The following EFNA5 variants were observed in gnomAD, a reference collection of about 807,000 sequenced individuals.
The protein encoded by EFNA5 is ephrin A5.
EFNA5 carries 5 observed loss-of-function variants against 22.9 expected under a neutral mutation model. That is an observed-to-expected ratio of 0.22 (90% confidence interval 0.11 to 0.46). The LOEUF (loss-of-function observed/expected upper bound fraction) is 0.46. Ranked by LOEUF, EFNA5 falls within the 20% of genes least tolerant of loss-of-function variation. The pLI, the probability that EFNA5 is intolerant of heterozygous loss-of-function variation, is 0.99. For synonymous variants in EFNA5, 113 were observed against 112.2 expected (o/e 1.01, Z -0.04); for missense variants, 237 against 293.3 (o/e 0.81, Z 1.40).
At chr5:107,436,452 C>A (rs1046497908) in intron 1 of EFNA5, among the ~76,000 whole-genome samples, 4 of 152,188 alleles carry the variant, frequency 2.6e-5, no homozygotes, top group Non-Finnish European at 5.9e-5. Context: ...AAAGACCTAA[C>A]ACATCACAGA....
chr5:107,506,675 TAG>T (rs2112430335), intron 1 of EFNA5, among the ~76,000 whole-genome samples: 1 of 152,242 alleles, frequency 6.6e-6, no homozygotes, highest in South Asian at 2.1e-4. Context: ...CTTAGGGCAC[TAG>T]AGAGTCTTGA....
chr5:107,543,709 TA>T (rs10708780), intron 1 of EFNA5, among the ~76,000 whole-genome samples: 103,439 of 151,350 alleles, frequency 0.68, 35,459 homozygotes, highest in Middle Eastern at 0.78. Flanking sequence ...AAGTATAATT[TA>T]AAAAAAAAAC....
chr5:107,623,751 C>T (rs1207576910), intron 1 of EFNA5, among the ~76,000 whole-genome samples: 1 of 148,238 alleles, frequency 6.7e-6, no homozygotes, highest in Non-Finnish European at 1.5e-5. Flanking sequence ...CTATAAATCA[C>T]AAAGGCAGAA....
intron 1 of EFNA5, among the ~76,000 whole-genome samples, chr5:107,568,191 C>T (rs912203873): frequency 6.6e-6 from 1 of 152,182 alleles, no homozygotes; most frequent in South Asian, 2.1e-4. Flanking sequence ...GCCACTGTGC[C>T]TGGCCTATAT....
intron 1 of EFNA5, among the ~76,000 whole-genome samples, chr5:107,453,739 C>A (rs898873155): frequency 1.3e-5 from 2 of 152,128 alleles, no homozygotes; most frequent in African/African-American, 4.8e-5. Flanking sequence ...AAGACCTTAG[C>A]AGCAGCAGGT....
At chr5:107,576,779 T>C (rs1486068719) in intron 1 of EFNA5, among the ~76,000 whole-genome samples, 1 of 151,768 alleles carries the variant, frequency 6.6e-6, no homozygotes, top group Non-Finnish European at 1.5e-5. Flanking sequence ...ATACTGTTAT[T>C]TAACTGCAAA....
In EFNA5 at chr5:107,591,908, TATAAAAAA is replaced by T. The variant is rs1749344814; in HGVS notation, c.125+78573_125+78580del. 4.5e-3 allele frequency among the ~76,000 whole-genome samples: 84 copies of T among 18,872 alleles called. 6 individuals are homozygous for T. In the South Asian group the frequency reaches 0.08, roughly 18 times the overall value. The allele number at this position is 18,872 out of a possible 152,430, so 12.4% of individuals were successfully genotyped here. On this transcript the variant is annotated intron_variant, in intron 1 of 4. Transcript: ENST00000333274. ...TATATATATTATATATAATATATAA[TATAAAAAA>T]TATATATATAATATATAATATATAT...
rs1006717778 is a variant in EFNA5, at chr5:107,667,720, A to C, written c.125+2769T>G. Among the ~76,000 whole-genome samples the C allele has an allele frequency of 3.2e-4, 48 of 152,312 alleles. 1 individual carries two copies. The highest frequency in any genetic ancestry group is 6.2e-4 in the South Asian group (3 of 4,828). On this transcript the variant is annotated intron_variant, in intron 1 of 4. Coordinates refer to ENST00000333274, the MANE Select transcript of EFNA5 (RefSeq NM_001962.3). The stretch of plus-strand genomic sequence containing the variant: ...ATTTAAGTTGCAATTAAAGTCCTCT[A>C]TTCTTTTTTCAAAAGATTGAAGTCT...
intron 1 of EFNA5, among the ~76,000 whole-genome samples, chr5:107,568,290 G>A (rs1748703810): frequency 6.6e-6 from 1 of 152,116 alleles, no homozygotes; most frequent in African/African-American, 2.4e-5. Context: ...TTTTCTACAG[G>A]GGAGGGGAAG....
chr5:107,640,783 A>G (rs1290114342), intron 1 of EFNA5, among the ~76,000 whole-genome samples: 3 of 152,226 alleles, frequency 2.0e-5, no homozygotes, highest in African/African-American at 7.2e-5. Context: ...TAACCGCTAT[A>G]CAGATACTTT....
chr5:107,381,120 TGAAA>T lies in EFNA5; in HGVS notation c.*131_*134del. 2.3e-6 allele frequency: 3 copies of T among 1,313,542 alleles called. No homozygotes were observed. The highest frequency in any genetic ancestry group is 3.1e-6 in the Non-Finnish European group (3 of 977,074). 81.4% of individuals were successfully genotyped at this position (1,313,542 alleles called of 1,614,324 possible). ...TGAAGTTGTTGCTTAGAATTCAGGC[TGAAA>T]GAAAGAAAACAAAAATCTGACATCT... On this transcript the variant is annotated 3_prime_UTR_variant, in exon 5 of 5. Coordinates refer to ENST00000333274, the MANE Select transcript of EFNA5 (RefSeq NM_001962.3).
At chr5:107,643,305 C>T (rs1750565084) in intron 1 of EFNA5, among the ~76,000 whole-genome samples, 1 of 152,118 alleles carries the variant, frequency 6.6e-6, no homozygotes, top group African/African-American at 2.4e-5. Context: ...TCTGGCTGGT[C>T]ATAGATTCAA....
At chr5:107,385,248 T>C (rs992908922) in intron 4 of EFNA5, among the ~76,000 whole-genome samples, 21 of 152,190 alleles carry the variant, frequency 1.4e-4, no homozygotes, top group Non-Finnish European at 2.8e-4. Context: ...ATATCTTGCA[T>C]TGTATCGTTA....
intron 2 of EFNA5, among the ~76,000 whole-genome samples, chr5:107,402,082 T>C (rs975309027): frequency 6.6e-6 from 1 of 152,210 alleles, no homozygotes; most frequent in African/African-American, 2.4e-5. Flanking sequence ...CTAAAGAAGA[T>C]GAATACATGG....
chr5:107,610,022 G>A (rs945088268), intron 1 of EFNA5, among the ~76,000 whole-genome samples: 1 of 152,160 alleles, frequency 6.6e-6, no homozygotes, highest in South Asian at 2.1e-4. Context: ...GGGGAAAATT[G>A]CAGGGTGGGA....
chr5:107,481,588 A>C (rs1167656303), intron 1 of EFNA5, among the ~76,000 whole-genome samples: 1 of 152,170 alleles, frequency 6.6e-6, no homozygotes, highest in African/African-American at 2.4e-5. Flanking sequence ...ATGGTGGCTC[A>C]TGCCTGTAAT....
At chr5:107,418,351 G>A (rs1748561832) in intron 2 of EFNA5, among the ~76,000 whole-genome samples, 1 of 152,164 alleles carries the variant, frequency 6.6e-6, no homozygotes, top group African/African-American at 2.4e-5. Context: ...CCAAATTAGT[G>A]CATTACATGT....
intron 1 of EFNA5, among the ~76,000 whole-genome samples, chr5:107,615,184 A>G (rs949976837): frequency 6.6e-6 from 1 of 152,132 alleles, no homozygotes; most frequent in Admixed American, 6.5e-5. Context: ...GGTAATCACA[A>G]ATTGGAGTTT....
At chr5:107,535,017 C>G (rs1009397519) in intron 1 of EFNA5, among the ~76,000 whole-genome samples, 1 of 152,088 alleles carries the variant, frequency 6.6e-6, no homozygotes, top group Admixed American at 6.6e-5. Flanking sequence ...ATATGATGTA[C>G]CTTCCTCCAC....
Sources: gnomAD v4.1 joint callset for allele counts (sites outside exome capture counted in the v4.1 genomes callset) on GRCh38, gnomAD v4.1.1 for gene constraint, MANE v1.5 for transcripts, NCBI Gene and HGNC (gene_info 2026-07-23, HGNC 2026-07-21) for gene names.